Variants in KLHL20 observed in about 807,000 individuals in gnomAD.
The protein encoded by KLHL20 is kelch-like protein 20.
Under a neutral mutation model 69.5 loss-of-function variants are expected in KLHL20, and 29 were observed. The ratio of observed to expected loss-of-function variants is 0.42; its 90% CI spans 0.31 to 0.57. KLHL20 has a LOEUF of 0.57. Ranked by LOEUF, KLHL20 falls within the 20% of genes least tolerant of loss-of-function variation. KLHL20 has a pLI of 0.18. For synonymous variants in KLHL20, 253 were observed against 265.2 expected (o/e 0.95, Z 0.45); for missense variants, 419 against 776.0 (o/e 0.54, Z 5.47).
rs138325761 is a variant in KLHL20 at position 173,734,310 on chromosome 1, T to G, written c.597+24T>G. ...AGGTGAGTTGCACTTGGTGTTCCAA[T>G]GCACCCATTTGTTGGAGAGCAATAT... On this transcript the variant is annotated intron_variant, in intron 3 of 11. Transcript: ENST00000209884. 171 of 1,605,118 alleles carry G rather than the reference T, an allele frequency of 1.1e-4. 1 individual carries two copies. The African/African-American group carries it at 2.0e-3, about 19-fold the overall frequency.
In KLHL20 at chr1:173,751,874, G is replaced by T. The variant is rs143294890; in HGVS notation, c.708G>T (p.Met236Ile). ...AAGAACAAGTGTTCAATGCAGTGAT[G>T]GCCTGGGTCAAATACAGTATTCAGG... is the stretch of plus-strand genomic sequence containing the variant. ...RSEEQVFNAV[M>I]AWVKYSIQER... Residue 236 changes from methionine to isoleucine, a missense_variant, in exon 4 of 12, where the codon ATG becomes ATT. By Grantham distance (10) the Met-to-Ile change is conservative. This residue lies in a region of KLHL20 where 99 missense variants were observed against 240.7 expected (regional missense o/e 0.41). Coordinates refer to ENST00000209884, the MANE Select transcript of KLHL20 (RefSeq NM_014458.4). The T allele has an allele frequency of 5.3e-5, 85 of 1,614,060 alleles. No individual in the cohort carries two copies. In the African/African-American group the frequency reaches 9.3e-4, roughly 18 times the overall value.
At chr1:173,723,555 T>C (rs1171470108) in intron 2 of KLHL20, among the ~76,000 whole-genome samples, 3 of 152,238 alleles carry the variant, frequency 2.0e-5, no homozygotes, top group Non-Finnish European at 4.4e-5. Flanking sequence ...TACACTTTAG[T>C]GTTTTATTAT....
intron 10 of KLHL20, among the ~76,000 whole-genome samples, chr1:173,776,637 A>G (rs1276374974): frequency 1.3e-5 from 2 of 152,034 alleles, no homozygotes; most frequent in African/African-American, 4.8e-5. Flanking sequence ...TTCTGCATAT[A>G]GTTACCTGGT....
rs368903653 is a variant in KLHL20 at position 173,751,975 on chromosome 1, T to TGA, written c.756+54_756+55dup. Reference sequence around the variant, plus strand: ...ACTGCTGACCGGGCATGGTGGCTCATGACTGTAATCCCAGCACTTTGGGAG... The same window carrying TGA: ...ACTGCTGACCGGGCATGGTGGCTCATGAGACTGTAATCCCAGCACTTTGGGAG... On this transcript the variant is annotated intron_variant, in intron 4 of 11. Coordinates refer to ENST00000209884, the MANE Select transcript of KLHL20 (RefSeq NM_014458.4). 9.0e-4 allele frequency: 1,395 copies of TGA among 1,555,142 alleles called. 13 individuals are homozygous for TGA. The African/African-American group carries it at 0.016, about 17-fold the overall frequency.
chr1:173,762,313 A>G (rs1441384385), intron 7 of KLHL20, among the ~76,000 whole-genome samples: 3 of 152,156 alleles, frequency 2.0e-5, no homozygotes, highest in South Asian at 2.1e-4. Flanking sequence ...ATTGGTACCA[A>G]TCCTTTTGAC....
rs796485896 is a variant in KLHL20 at position 173,718,068 on chromosome 1, T to C, written c.23+2002T>C. 2.6e-5 allele frequency among the ~76,000 whole-genome samples: 4 copies of C among 152,132 alleles called. No homozygotes were observed. The South Asian group carries it at 8.3e-4, about 31-fold the overall frequency. Reference sequence around the variant, plus strand: ...GCATTGTAGTTCATACACAAATGTATATAAGATGTCTTCTCTTTTCACTTT... The same window carrying C: ...GCATTGTAGTTCATACACAAATGTACATAAGATGTCTTCTCTTTTCACTTT... On this transcript the variant is annotated intron_variant, in intron 2 of 11. Transcript: ENST00000209884.
chr1:173,775,363 CA>C (rs1648388368), intron 9 of KLHL20, among the ~76,000 whole-genome samples: 1 of 152,104 alleles, frequency 6.6e-6, no homozygotes, highest in South Asian at 2.1e-4. Flanking sequence ...GGCTGAGAGT[CA>C]TGTAGCTAAT....
At chr1:173,756,376 A>G (rs779449322) in intron 6 of KLHL20, among the ~76,000 whole-genome samples, 1 of 152,138 alleles carries the variant, frequency 6.6e-6, no homozygotes, top group Non-Finnish European at 1.5e-5. Context: ...AAAATAAGAA[A>G]AACAATTGGC....
intron 2 of KLHL20, among the ~76,000 whole-genome samples, chr1:173,726,966 T>G (rs1672000243): frequency 6.6e-6 from 1 of 151,918 alleles, no homozygotes; most frequent in African/African-American, 2.4e-5. Flanking sequence ...AAGGAGGAAG[T>G]TCGAACCCAT....
chr1:173,758,907 T>C (rs1357893410), intron 7 of KLHL20, among the ~76,000 whole-genome samples: 1 of 152,206 alleles, frequency 6.6e-6, no homozygotes, highest in Non-Finnish European at 1.5e-5. Context: ...AAATCCTGCA[T>C]GCAGACTTCA....
chr1:173,725,513 A>G (rs1015751884), intron 2 of KLHL20, among the ~76,000 whole-genome samples: 2 of 152,190 alleles, frequency 1.3e-5, no homozygotes, highest in South Asian at 4.1e-4. Context: ...ACACATACAT[A>G]TATACTGTGA....
intron 2 of KLHL20, among the ~76,000 whole-genome samples, chr1:173,731,101 A>C (rs1211439868): frequency 1.3e-5 from 2 of 152,198 alleles, no homozygotes; most frequent in Admixed American, 1.3e-4. Flanking sequence ...ATGCAGCCAA[A>C]AGACACATGA....
chr1:173,730,627 C>A (rs1251831538), intron 2 of KLHL20, among the ~76,000 whole-genome samples: 1 of 152,090 alleles, frequency 6.6e-6, no homozygotes, highest in Non-Finnish European at 1.5e-5. Context: ...GGAAAGGATT[C>A]CCTATTTAAT....
intron 2 of KLHL20, among the ~76,000 whole-genome samples, chr1:173,724,013 T>A (rs893898066): frequency 7.2e-5 from 11 of 152,178 alleles, no homozygotes; most frequent in Non-Finnish European, 1.6e-4. Flanking sequence ...TATTGAGGTA[T>A]AATTGAGGTA....
chr1:173,783,642 C>T (rs544464113), intron 11 of KLHL20, among the ~76,000 whole-genome samples: 2 of 151,924 alleles, frequency 1.3e-5, no homozygotes, highest in Non-Finnish European at 2.9e-5. Flanking sequence ...CCAAGGTGGG[C>T]GGATCACCTG....
intron 3 of KLHL20, among the ~76,000 whole-genome samples, chr1:173,747,883 A>G (rs761352361): frequency 2.9e-4 from 43 of 150,784 alleles, no homozygotes; most frequent in Non-Finnish European, 4.9e-4. Context: ...ATAAAAACCA[A>G]GAGCTCTTTA....
chr1:173,781,831 A>G (rs1264027107), intron 10 of KLHL20: 1 of 229,330 alleles, frequency 4.4e-6, no homozygotes, highest in Non-Finnish European at 8.6e-6. Context: ...GGCAAATACC[A>G]GAGGAAGTGA....
intron 10 of KLHL20, among the ~76,000 whole-genome samples, chr1:173,781,127 T>C (rs1648849877): frequency 6.6e-6 from 1 of 152,038 alleles, no homozygotes; most frequent in Non-Finnish European, 1.5e-5. Context: ...AAAATGTATG[T>C]TATCTTCAGG....
At chr1:173,735,936 CTTTTTTTTTTTT>C (rs769632286) in intron 3 of KLHL20, among the ~76,000 whole-genome samples, 2 of 105,980 alleles carry the variant, frequency 1.9e-5, no homozygotes, top group African/African-American at 3.7e-5. Flanking sequence ...GCCATTCTAT[CTTTTTTTTTTTT>C]TTTTTTTTTT....
Sources: allele counts gnomAD v4.1 joint callset (sites outside exome capture counted in the v4.1 genomes callset), GRCh38; gene constraint gnomAD v4.1.1; regional missense constraint gnomAD v4.1.1; transcripts MANE v1.5; gene names NCBI Gene and HGNC (gene_info 2026-07-23, HGNC 2026-07-21).